ZNF521: variants seen among roughly 807,000 people sequenced by gnomAD.
The protein encoded by ZNF521 is LYST-interacting protein 3.
A neutral mutation model predicts 105.5 loss-of-function variants in ZNF521; 14 were observed. The ratio of observed to expected loss-of-function variants is 0.13; its 90% confidence interval spans 0.09 to 0.21. The LOEUF (loss-of-function observed/expected upper bound fraction) is 0.21, where lower values mean the gene tolerates loss of function less well. ZNF521 is among the 10% of genes least tolerant of loss of function. The pLI, the probability that ZNF521 is intolerant of heterozygous loss-of-function variation, is 1.00. For synonymous variants in ZNF521, 635 were observed against 606.0 expected, an observed-to-expected ratio of 1.05 and a Z score of -0.70; for missense variants, 1,233 against 1,629.7, an observed-to-expected ratio of 0.76 and a Z score of 4.19.
At chr18:25,098,975 T>C (rs2033909898) in intron 5 of ZNF521, among the ~76,000 whole-genome samples, 2 of 152,154 alleles carry the variant, frequency 1.3e-5, no homozygotes, top group South Asian at 2.1e-4. Context: ...CAGCAACGCA[T>C]TTCAGTTTTT....
At chr18:25,322,276 A>G in intron 2 of ZNF521, 89 bp from the exon 3 acceptor site, 2 of 1,347,918 alleles carry the variant, frequency 1.5e-6, no homozygotes, top group Non-Finnish European at 2.1e-6. Context: ...AAACAGAAAC[A>G]CCATTTTCCT....
At chr18:25,178,801 G>A (rs1367477058) in intron 5 of ZNF521, among the ~76,000 whole-genome samples, 1 of 152,136 alleles carries the variant, frequency 6.6e-6, no homozygotes, top group Non-Finnish European at 1.5e-5. Flanking sequence ...TGATAGCAAA[G>A]CAATTGCTAA....
rs1326639088 is a variant in ZNF521, at chr18:25,277,282, AT to A, written c.220+44725del. On this transcript the variant is annotated intron_variant, in intron 3 of 7. Transcript: ENST00000361524. ...GAGCAAAAGCTTATCAAATATTATA[AT>A]TTTTCGATCTTTCCTTCTTCATTTC... Among the ~76,000 whole-genome samples the A allele has an allele frequency of 1.1e-4, 17 of 152,264 alleles. No homozygotes were observed. In the East Asian group the frequency reaches 3.3e-3, roughly 29 times the overall value.
chr18:25,313,574 T>G (rs1432516013), intron 3 of ZNF521, among the ~76,000 whole-genome samples: 10 of 152,194 alleles, frequency 6.6e-5, no homozygotes, highest in Admixed American at 6.5e-4. Flanking sequence ...GATAACAACC[T>G]CATGGGAAAG....
At chr18:25,104,200 C>T (rs971845652) in intron 5 of ZNF521, among the ~76,000 whole-genome samples, 1 of 152,054 alleles carries the variant, frequency 6.6e-6, no homozygotes, top group Non-Finnish European at 1.5e-5. Flanking sequence ...ATAACCTGAA[C>T]CAGCTCATTC....
chr18:25,271,717 G>A (rs900054565), intron 3 of ZNF521, among the ~76,000 whole-genome samples: 2 of 152,192 alleles, frequency 1.3e-5, no homozygotes, highest in African/African-American at 4.8e-5. Context: ...CTAGCCATAT[G>A]CAGAAAACTG....
At chr18:25,108,552 T>C (rs2034119375) in intron 5 of ZNF521, among the ~76,000 whole-genome samples, 1 of 152,174 alleles carries the variant, frequency 6.6e-6, no homozygotes, top group Non-Finnish European at 1.5e-5. Context: ...CTGTTTCCCA[T>C]AGCTGCAAAC....
chr18:25,099,648 T>C (rs8099042), intron 5 of ZNF521, among the ~76,000 whole-genome samples: 8 of 152,216 alleles, frequency 5.3e-5, no homozygotes, highest in Non-Finnish European at 8.8e-5. Context: ...TTTTATTAAT[T>C]GTCTGTATTC....
intron 4 of ZNF521, among the ~76,000 whole-genome samples, chr18:25,213,343 T>C (rs887189704): frequency 6.6e-6 from 1 of 151,462 alleles, no homozygotes; most frequent in Non-Finnish European, 1.5e-5. Flanking sequence ...CTTAGTTTAG[T>C]GTTCTTTTTT....
chr18:25,214,484 A>G (rs2036246273), intron 4 of ZNF521, among the ~76,000 whole-genome samples: 1 of 152,056 alleles, frequency 6.6e-6, no homozygotes, highest in Non-Finnish European at 1.5e-5. Context: ...TTAAGTTGAT[A>G]TATCTCAGTG....
intron 4 of ZNF521, among the ~76,000 whole-genome samples, chr18:25,198,861 T>C (rs1009995686): frequency 5.9e-5 from 9 of 151,942 alleles, no homozygotes; most frequent in Admixed American, 5.3e-4. Flanking sequence ...ATGCTGAAAC[T>C]AGTAGAAGAC....
chr18:25,312,461 A>G (rs1453765310), intron 3 of ZNF521, among the ~76,000 whole-genome samples: 3 of 152,214 alleles, frequency 2.0e-5, no homozygotes, highest in African/African-American at 7.2e-5. Flanking sequence ...CTAGGTAATG[A>G]TTGAACTGAC....
rs1393831535 is a variant in ZNF521 at position 25,223,665 on chromosome 18, G to A, written c.3573+680C>T. On this transcript the variant is annotated intron_variant, in intron 4 of 7. Coordinates refer to ENST00000361524, the MANE Select transcript of ZNF521 (RefSeq NM_015461.3). Reference sequence around the variant, plus strand: ...TTTTGTACTCGTCACGGCAAAGAAAGCAGAAAACTACTCTGAAACTAAGGA... The same window carrying A: ...TTTTGTACTCGTCACGGCAAAGAAAACAGAAAACTACTCTGAAACTAAGGA... Among the ~76,000 whole-genome samples the A allele has an allele frequency of 2.6e-5, 4 of 151,852 alleles. No individual in the cohort carries two copies. In the East Asian group the frequency reaches 7.8e-4, roughly 29 times the overall value.
chr18:25,268,878 G>T (rs1166490047), intron 3 of ZNF521, among the ~76,000 whole-genome samples: 1 of 152,010 alleles, frequency 6.6e-6, no homozygotes, highest in Admixed American at 6.6e-5. Context: ...CAATTAACAG[G>T]CAAAATAACC....
intron 2 of ZNF521, among the ~76,000 whole-genome samples, chr18:25,336,640 T>C (rs1336697078): frequency 6.6e-6 from 1 of 152,192 alleles, no homozygotes; most frequent in Non-Finnish European, 1.5e-5. Context: ...GATCAATGCA[T>C]TGGCCAGGGT....
intron 4 of ZNF521, among the ~76,000 whole-genome samples, chr18:25,207,329 T>TA (rs1200781670): frequency 8.1e-6 from 1 of 124,088 alleles, no homozygotes; most frequent in Non-Finnish European, 1.7e-5. Context: ...GCGGCTCATT[T>TA]ACAAAAAGGA....
intron 2 of ZNF521, among the ~76,000 whole-genome samples, chr18:25,342,757 A>T (rs1245943278): frequency 6.6e-6 from 1 of 152,228 alleles, no homozygotes; most frequent in Non-Finnish European, 1.5e-5. Flanking sequence ...AAAGTAATCA[A>T]TGAAAGACAA....
intron 5 of ZNF521, among the ~76,000 whole-genome samples, chr18:25,140,708 A>C (rs2144435403): frequency 6.6e-6 from 1 of 152,320 alleles, no homozygotes. Flanking sequence ...GATTCCTTTA[A>C]GATATAGCTC....
chr18:25,276,619 T>C (rs1476319297), intron 3 of ZNF521, among the ~76,000 whole-genome samples: 1 of 152,210 alleles, frequency 6.6e-6, no homozygotes, highest in Admixed American at 6.5e-5. Flanking sequence ...GCATTAATGC[T>C]GCCTGCCTAA....
Sources: allele counts gnomAD v4.1 joint callset (sites outside exome capture counted in the v4.1 genomes callset), GRCh38; gene constraint gnomAD v4.1.1; transcripts MANE v1.5; gene names NCBI Gene and HGNC (gene_info 2026-07-23, HGNC 2026-07-21).